The following TMOD1 variants were observed in gnomAD, a reference collection of about 807,000 sequenced individuals.
TMOD1 encodes tropomodulin 1.
Under a neutral mutation model 40.6 loss-of-function variants are expected in TMOD1, and 17 were observed. The ratio of observed to expected loss-of-function variants is 0.42; its 90% CI spans 0.29 to 0.63. The LOEUF (loss-of-function observed/expected upper bound fraction) is 0.63, where lower values mean the gene tolerates loss of function less well. TMOD1 is among the 20% of genes least tolerant of loss of function. The pLI is 0.22. For synonymous variants in TMOD1, 181 were observed against 175.0 expected (o/e 1.03, Z -0.27); for missense variants, 391 against 447.6 (o/e 0.87, Z 1.14).
rs74419016 is a variant in TMOD1, at chr9:97,559,823, A to C, written c.398-2909A>C. Among the ~76,000 whole-genome samples the C allele has an allele frequency of 2.6e-3, 166 of 63,280 alleles. 5 individuals carry two copies. The highest frequency in any genetic ancestry group is 3.6e-3 in the African/African-American group (58 of 16,040). The allele number at this position is 63,280 out of a possible 152,430, so 41.5% of individuals were successfully genotyped here. A position where few individuals can be genotyped will look rare whatever the true frequency, so the allele number is the denominator to read the frequency against. ...TATATATATATATATATATATATATATGTCTATCTATCTATCTATCTATCT... is the reference window on the plus strand; with the variant it reads ...TATATATATATATATATATATATATCTGTCTATCTATCTATCTATCTATCT... On this transcript the variant is annotated intron_variant, in intron 4 of 9. Coordinates refer to ENST00000259365, the MANE Select transcript of TMOD1 (RefSeq NM_003275.4).
chr9:97,592,544 G>A (rs1368227644), intron 9 of TMOD1, among the ~76,000 whole-genome samples: 2 of 152,156 alleles, frequency 1.3e-5, no homozygotes, highest in Non-Finnish European at 2.9e-5. Context: ...CTACACAATG[G>A]TTTCCAACCC....
At chr9:97,503,690 G>C (rs1180796420) in intron 1 of TMOD1, among the ~76,000 whole-genome samples, 6 of 152,184 alleles carry the variant, frequency 3.9e-5, no homozygotes, top group Non-Finnish European at 7.3e-5. Context: ...CTTCAGGGTA[G>C]GGCGTTTTCT....
intron 2 of TMOD1, among the ~76,000 whole-genome samples, chr9:97,542,281 G>A (rs1349680646): frequency 6.6e-6 from 1 of 152,096 alleles, no homozygotes; most frequent in Non-Finnish European, 1.5e-5. Flanking sequence ...CCATTTAATA[G>A]AAAGAAAACA....
intron 1 of TMOD1, among the ~76,000 whole-genome samples, chr9:97,510,308 G>T (rs1829674794): frequency 6.6e-6 from 1 of 151,790 alleles, no homozygotes; most frequent in Non-Finnish European, 1.5e-5. Flanking sequence ...TCGGCTCACT[G>T]CAACCTCCAC....
At chr9:97,543,457 G>A (rs767378106) in intron 2 of TMOD1, among the ~76,000 whole-genome samples, 8 of 152,212 alleles carry the variant, frequency 5.3e-5, no homozygotes, top group African/African-American at 1.2e-4. Context: ...CGTTTACTAT[G>A]TTAGGCACTG....
intron 3 of TMOD1, 146 bp downstream of exon 3, chr9:97,546,487 C>G: frequency 1.3e-6 from 1 of 771,656 alleles, no homozygotes; most frequent in South Asian, 2.1e-5. Context: ...AACACCCAAA[C>G]CCAACTTCAA....
intron 1 of TMOD1, among the ~76,000 whole-genome samples, chr9:97,520,542 C>T (rs1173072796): frequency 2.6e-5 from 4 of 152,154 alleles, no homozygotes; most frequent in Non-Finnish European, 5.9e-5. Flanking sequence ...ATGAGTGTGG[C>T]TTGAAACTGA....
At chr9:97,567,407 A>G (rs1830744427) in intron 7 of TMOD1, among the ~76,000 whole-genome samples, 1 of 152,176 alleles carries the variant, frequency 6.6e-6, no homozygotes. Flanking sequence ...TTGGTAAATC[A>G]GGCTGCCAGA....
At chr9:97,580,745 A>G (rs1277691570) in intron 8 of TMOD1, among the ~76,000 whole-genome samples, 1 of 152,162 alleles carries the variant, frequency 6.6e-6, no homozygotes, top group Non-Finnish European at 1.5e-5. Flanking sequence ...TATAAGGTCA[A>G]GATACGAAAT....
chr9:97,575,639 G>A (rs150720364), intron 8 of TMOD1, among the ~76,000 whole-genome samples: 139 of 152,316 alleles, frequency 9.1e-4, no homozygotes, highest in African/African-American at 3.3e-3. Context: ...ATTCCCAGTT[G>A]TCCATATCAT....
intron 2 of TMOD1, among the ~76,000 whole-genome samples, chr9:97,529,657 G>T (rs922774304): frequency 6.6e-6 from 1 of 152,128 alleles, no homozygotes; most frequent in Non-Finnish European, 1.5e-5. Context: ...AAAAGTATCC[G>T]CTGTTGACTG....
chr9:97,508,410 G>A (rs566027175), intron 1 of TMOD1, among the ~76,000 whole-genome samples: 45 of 152,056 alleles, frequency 3.0e-4, no homozygotes, highest in Middle Eastern at 3.4e-3. Flanking sequence ...GGCTGGTCTC[G>A]AACTCCTGAC....
At chr9:97,536,202 G>A (rs1830181488) in intron 2 of TMOD1, among the ~76,000 whole-genome samples, 1 of 152,184 alleles carries the variant, frequency 6.6e-6, no homozygotes, top group South Asian at 2.1e-4. Flanking sequence ...TTTTCATAAG[G>A]AGAAACCGAC....
intron 8 of TMOD1, among the ~76,000 whole-genome samples, chr9:97,573,296 A>C (rs1394944393): frequency 6.6e-6 from 1 of 152,240 alleles, no homozygotes; most frequent in Admixed American, 6.5e-5. Context: ...GCCTGGGGTG[A>C]GTCCCACAAA....
intron 1 of TMOD1, among the ~76,000 whole-genome samples, chr9:97,511,523 G>C (rs1366061143): frequency 1.3e-5 from 2 of 152,218 alleles, no homozygotes; most frequent in Non-Finnish European, 2.9e-5. Context: ...ACAGCCTATA[G>C]AGACAGGTGC....
intron 9 of TMOD1, among the ~76,000 whole-genome samples, chr9:97,595,499 A>G (rs1047763690): frequency 1.4e-5 from 2 of 144,840 alleles, no homozygotes; most frequent in Non-Finnish European, 3.0e-5. Context: ...ATGTTCTCCA[A>G]TTCCACTCAT....
intron 8 of TMOD1, among the ~76,000 whole-genome samples, chr9:97,570,508 C>T (rs1830801448): frequency 6.6e-6 from 1 of 152,122 alleles, no homozygotes; most frequent in Non-Finnish European, 1.5e-5. Flanking sequence ...CAAATTGGCA[C>T]ACCATGCATC....
intron 2 of TMOD1, among the ~76,000 whole-genome samples, chr9:97,542,545 A>G (rs1830289521): frequency 6.6e-6 from 1 of 152,174 alleles, no homozygotes; most frequent in Admixed American, 6.5e-5. Context: ...ATCAGGGGCA[A>G]TTTTGCCCCT....
chr9:97,570,038 T>C (rs1408893626), intron 8 of TMOD1, among the ~76,000 whole-genome samples: 2 of 152,228 alleles, frequency 1.3e-5, no homozygotes, highest in African/African-American at 4.8e-5. Context: ...TACAAAATTC[T>C]AAACAGTGGT....
Sources: allele counts gnomAD v4.1 joint callset (sites outside exome capture counted in the v4.1 genomes callset), GRCh38; gene constraint gnomAD v4.1.1; transcripts MANE v1.5; gene names NCBI Gene and HGNC (gene_info 2026-07-23, HGNC 2026-07-21).